Variants in CDH13 observed in about 807,000 individuals in gnomAD.
CDH13 encodes the protein cadherin 13.
A neutral mutation model predicts 63.8 loss-of-function variants in CDH13; 24 were observed. That is an observed-to-expected ratio of 0.38 (90% CI 0.27 to 0.53). The LOEUF (loss-of-function observed/expected upper bound fraction) is 0.53. Among genes scored for constraint, CDH13 ranks in the 20% least tolerant of loss-of-function variants. The pLI is 0.85. For synonymous variants in CDH13, 503 were observed against 355.3 expected (o/e 1.42, Z -4.67); for missense variants, 1,049 against 903.1 (o/e 1.16, Z -2.07).
At chr16:83,608,983 G>A (rs1303732166) in intron 8 of CDH13, among the ~76,000 whole-genome samples, 1 of 152,122 alleles carries the variant, frequency 6.6e-6, no homozygotes, top group Admixed American at 6.5e-5. Flanking sequence ...TCTTCTAGCA[G>A]GGTTGATAGA....
intron 1 of CDH13, among the ~76,000 whole-genome samples, chr16:82,673,309 A>G (rs551340122): frequency 5.1e-4 from 78 of 152,154 alleles, no homozygotes; most frequent in African/African-American, 1.8e-3. Flanking sequence ...CATTCATTCA[A>G]TAAACACTTA....
In CDH13 at chr16:83,798,525, T is replaced by A. The variant is rs754242575; in HGVS notation, c.*3495T>A. ...ACTACTATCTTCTCCAACTCACAGA[T>A]AAAGAAGGCTGAGGCTCAGAAAAAT... is the stretch of plus-strand genomic sequence containing the variant. On this transcript the variant is annotated 3_prime_UTR_variant, in exon 14 of 14. Transcript: ENST00000567109. The A allele has an allele frequency of 4.6e-5, 7 of 152,198 alleles. No homozygotes were observed. The highest frequency in any genetic ancestry group is 1.0e-4 in the Non-Finnish European group (7 of 68,048). The allele number at this position is 152,198 out of a possible 1,614,324, so 9.4% of individuals were successfully genotyped here.
At chr16:83,740,374 C>T (rs1320364508) in intron 10 of CDH13, among the ~76,000 whole-genome samples, 3 of 151,956 alleles carry the variant, frequency 2.0e-5, no homozygotes, top group African/African-American at 4.8e-5. Context: ...GAATCAGGTG[C>T]ATTGCAGTGG....
At position 83,486,670 on chromosome 16, in the gene CDH13, A is replaced by G; in HGVS notation, c.960+15A>G. ...TGGACCGAGAGGTGAGCTGAAAAGA[A>G]TACACTTTCTTTTTCACGAGAATAG... On this transcript the variant is annotated intron_variant, in intron 7 of 13. Transcript: ENST00000567109. 1 of 1,610,806 alleles carries G rather than the reference A, an allele frequency of 6.2e-7. No homozygotes were observed. Among genetic ancestry groups the G allele is most frequent in the Non-Finnish European group, 8.5e-7 (1 of 1,177,292 alleles).
intron 1 of CDH13, among the ~76,000 whole-genome samples, chr16:82,728,442 A>C (rs2033218073): frequency 1.5e-5 from 1 of 68,674 alleles, no homozygotes; most frequent in Admixed American, 1.6e-4. Context: ...AGAGAGGCAT[A>C]CAATTTTTTT....
At chr16:83,108,992 C>T (rs991942061) in intron 3 of CDH13, among the ~76,000 whole-genome samples, 1 of 152,140 alleles carries the variant, frequency 6.6e-6, no homozygotes, top group Non-Finnish European at 1.5e-5. Context: ...TTCTCCTGCC[C>T]ACATTTCCTG....
At chr16:82,643,915 TAAAA>T (rs11434839) in intron 1 of CDH13, among the ~76,000 whole-genome samples, 5 of 147,918 alleles carry the variant, frequency 3.4e-5, no homozygotes, top group African/African-American at 1.2e-4. Context: ...CCCAGTTAAT[TAAAA>T]AAAAAAAAAA....
chr16:83,663,854 T>G (rs1337349866), intron 8 of CDH13, among the ~76,000 whole-genome samples: 1 of 152,110 alleles, frequency 6.6e-6, no homozygotes, highest in Admixed American at 6.6e-5. Flanking sequence ...TTTACAGAAT[T>G]TTAATCAGAT....
intron 11 of CDH13, among the ~76,000 whole-genome samples, chr16:83,758,086 A>G (rs1162470198): frequency 3.1e-5 from 2 of 65,462 alleles, no homozygotes; most frequent in Non-Finnish European, 6.7e-5. Flanking sequence ...GTGCTTATGG[A>G]AAAAAAAAAA....
At chr16:83,365,997 T>C (rs570832322) in intron 6 of CDH13, among the ~76,000 whole-genome samples, 16 of 152,192 alleles carry the variant, frequency 1.1e-4, no homozygotes, top group African/African-American at 3.1e-4. Context: ...CCCACGGAGG[T>C]CATACTTCTC....
chr16:83,060,589 C>T (rs1481235524), intron 3 of CDH13, among the ~76,000 whole-genome samples: 1 of 152,158 alleles, frequency 6.6e-6, no homozygotes, highest in African/African-American at 2.4e-5. Context: ...AACATTCCCA[C>T]TGCCTCATAA....
At chr16:82,635,520 TCA>T (rs1203179904) in intron 1 of CDH13, among the ~76,000 whole-genome samples, 1 of 152,304 alleles carries the variant, frequency 6.6e-6, no homozygotes, top group East Asian at 1.9e-4. Flanking sequence ...GGTGTTTTTC[TCA>T]GAGCAAGTGG....
At chr16:82,703,770 GC>G (rs1199715491) in intron 1 of CDH13, among the ~76,000 whole-genome samples, 1 of 151,952 alleles carries the variant, frequency 6.6e-6, no homozygotes, top group Non-Finnish European at 1.5e-5. Flanking sequence ...CTCTGCTAAT[GC>G]CCCCTCTTTG....
At chr16:83,205,195 A>C (rs890497267) in intron 4 of CDH13, among the ~76,000 whole-genome samples, 4 of 152,240 alleles carry the variant, frequency 2.6e-5, no homozygotes, top group Non-Finnish European at 5.9e-5. Flanking sequence ...GGCAAAGCCA[A>C]GGAGAGTGTT....
intron 2 of CDH13, among the ~76,000 whole-genome samples, chr16:82,903,861 G>T (rs74029993): frequency 0.041 from 6,219 of 152,184 alleles, 396 homozygotes; most frequent in African/African-American, 0.14. Context: ...GATGCAGATT[G>T]CTGAAGTGCC....
chr16:83,331,721 C>T (rs974761664), intron 5 of CDH13, among the ~76,000 whole-genome samples: 4 of 152,048 alleles, frequency 2.6e-5, no homozygotes, highest in Admixed American at 6.6e-5. Flanking sequence ...ATTATGTATA[C>T]ACTAGTTTTA....
intron 6 of CDH13, among the ~76,000 whole-genome samples, chr16:83,388,664 C>T (rs2091726398): frequency 6.6e-6 from 1 of 152,068 alleles, no homozygotes; most frequent in Non-Finnish European, 1.5e-5. Context: ...GTTGGTGTAC[C>T]CCATCCAGAT....
At position 83,057,901 on chromosome 16, in the gene CDH13, G is replaced by C. The variant is rs114668169; in HGVS notation, c.366+25683G>C. Among the ~76,000 whole-genome samples the C allele has an allele frequency of 4.4e-3, 671 of 152,184 alleles. 3 individuals are homozygous for C. Among genetic ancestry groups the C allele is most frequent in the African/African-American group, 0.016 (649 of 41,516 alleles). ...CACACAGTAATTCCTTAACATCAAT[G>C]GTAAGGTTCCTCCCTAATTTTGAAG... On this transcript the variant is annotated intron_variant, in intron 3 of 13. Coordinates refer to ENST00000567109, the MANE Select transcript of CDH13 (RefSeq NM_001257.5).
At chr16:82,783,227 A>C (rs1283739172) in intron 1 of CDH13, among the ~76,000 whole-genome samples, 1 of 152,208 alleles carries the variant, frequency 6.6e-6, no homozygotes, top group African/African-American at 2.4e-5. Context: ...TCAGGGCCAA[A>C]GACCGCAAAG....
Sources: gnomAD v4.1 joint callset for allele counts (sites outside exome capture counted in the v4.1 genomes callset) on GRCh38, gnomAD v4.1.1 for gene constraint, MANE v1.5 for transcripts, NCBI Gene and HGNC (gene_info 2026-07-23, HGNC 2026-07-21) for gene names.